ARB2A: variants seen among roughly 807,000 people sequenced by gnomAD.
ARB2A encodes the protein cotranscriptional regulator ARB2A.
At chr5:93,989,028 A>C in the ARB2A span, among the ~76,000 whole-genome samples, 9 of 152,304 alleles carry the variant, frequency 5.9e-5, no homozygotes, top group Admixed American at 5.9e-4. Flanking sequence ...AAAACTGGAA[A>C]TTAAAGGGCT....
chr5:94,025,844 C>A, the ARB2A span, among the ~76,000 whole-genome samples: 1 of 152,134 alleles, frequency 6.6e-6, no homozygotes, highest in Non-Finnish European at 1.5e-5. Context: ...TTGCTTGGGC[C>A]CAGGTACACC....
chr5:93,916,765 G>A, the ARB2A span, among the ~76,000 whole-genome samples: 2 of 152,050 alleles, frequency 1.3e-5, no homozygotes, highest in Non-Finnish European at 2.9e-5. Flanking sequence ...TGGGTGCTTT[G>A]TATGAACTCT....
At chr5:93,984,730 A>G in the ARB2A span, among the ~76,000 whole-genome samples, 1 of 152,214 alleles carries the variant, frequency 6.6e-6, no homozygotes, top group Non-Finnish European at 1.5e-5. Flanking sequence ...CACCTTATAA[A>G]TAAGAATTAT....
the ARB2A span, chr5:93,741,444 G>A: frequency 6.2e-7 from 1 of 1,613,488 alleles, no homozygotes; most frequent in Non-Finnish European, 8.5e-7. Context: ...CCCTGCCAGG[G>A]GCCGCCTGGG....
At chr5:93,691,713 G>C in the ARB2A span, among the ~76,000 whole-genome samples, 1 of 151,546 alleles carries the variant, frequency 6.6e-6, no homozygotes, top group Non-Finnish European at 1.5e-5. Flanking sequence ...GCAACCCCAA[G>C]ACACATAATT....
At chr5:94,048,201 C>T in the ARB2A span, among the ~76,000 whole-genome samples, 3 of 151,886 alleles carry the variant, frequency 2.0e-5, no homozygotes, top group East Asian at 3.9e-4. Flanking sequence ...ATTACAGGGG[C>T]GCAACACCAC....
At chr5:93,880,406 T>C in the ARB2A span, among the ~76,000 whole-genome samples, 2 of 151,706 alleles carry the variant, frequency 1.3e-5, no homozygotes, top group African/African-American at 4.8e-5. Flanking sequence ...AAGCAATATA[T>C]TTCCCCTAAA....
At chr5:93,779,090 A>AGAGTGTGTGTGT in the ARB2A span, among the ~76,000 whole-genome samples, 4 of 143,448 alleles carry the variant, frequency 2.8e-5, no homozygotes, top group African/African-American at 1.1e-4. Flanking sequence ...GTCATTTCAG[A>AGAGTGTGTGTGT]GTGTGTGTGT....
the ARB2A span, among the ~76,000 whole-genome samples, chr5:93,982,168 A>AG: frequency 6.6e-6 from 1 of 152,288 alleles, no homozygotes; most frequent in East Asian, 1.9e-4. Flanking sequence ...AGAGGAAGGC[A>AG]GAAAAAAAAT....
the ARB2A span, among the ~76,000 whole-genome samples, chr5:93,921,173 A>T: frequency 6.6e-6 from 1 of 151,730 alleles, no homozygotes; most frequent in Non-Finnish European, 1.5e-5. Flanking sequence ...AAAAAAAAAA[A>T]AAAAGGAAAT....
chr5:93,744,843 T>C, the ARB2A span, among the ~76,000 whole-genome samples: 1 of 152,118 alleles, frequency 6.6e-6, no homozygotes, highest in Non-Finnish European at 1.5e-5. Context: ...GATTACAATG[T>C]AAGAATCAGG....
chr5:93,904,549 A>C, the ARB2A span, among the ~76,000 whole-genome samples: 2 of 151,822 alleles, frequency 1.3e-5, no homozygotes, highest in African/African-American at 4.8e-5. Flanking sequence ...TTTGTGTATA[A>C]ATGATGATCT....
the ARB2A span, among the ~76,000 whole-genome samples, chr5:93,974,164 G>A: frequency 1.3e-5 from 2 of 152,112 alleles, no homozygotes; most frequent in African/African-American, 4.8e-5. Flanking sequence ...AATCTCACAT[G>A]TAATGACACA....
At chr5:93,965,536 A>G in the ARB2A span, among the ~76,000 whole-genome samples, 1 of 152,174 alleles carries the variant, frequency 6.6e-6, no homozygotes, top group African/African-American at 2.4e-5. Context: ...TTGTTATAGC[A>G]GCAAAAGAAA....
At chr5:93,644,315 A>C in the ARB2A span, among the ~76,000 whole-genome samples, 1 of 152,254 alleles carries the variant, frequency 6.6e-6, no homozygotes, top group Non-Finnish European at 1.5e-5. Context: ...GTTAGCACAG[A>C]AAATGGGAAA....
chr5:94,053,319 T>C, the ARB2A span: 3 of 715,682 alleles, frequency 4.2e-6, no homozygotes, highest in Non-Finnish European at 6.6e-6. Context: ...TATTCTTTGT[T>C]CTATTAATTT....
chr5:93,821,721 C>T, the ARB2A span, among the ~76,000 whole-genome samples: 1 of 151,692 alleles, frequency 6.6e-6, no homozygotes, highest in Non-Finnish European at 1.5e-5. Flanking sequence ...GCCTTTCAAA[C>T]AAAAACACAG....
the ARB2A span, among the ~76,000 whole-genome samples, chr5:94,046,438 G>A: frequency 1.3e-5 from 2 of 152,086 alleles, no homozygotes; most frequent in Non-Finnish European, 2.9e-5. Flanking sequence ...ACAGGGAGGA[G>A]GGGGAACAGT....
At chr5:93,663,392 C>T in the ARB2A span, among the ~76,000 whole-genome samples, 3 of 152,154 alleles carry the variant, frequency 2.0e-5, no homozygotes, top group Non-Finnish European at 4.4e-5. Flanking sequence ...CTAAAAGTTT[C>T]CTCCTGTATT....
Sources: allele counts gnomAD v4.1 joint callset (sites outside exome capture counted in the v4.1 genomes callset), GRCh38; gene constraint gnomAD v4.1.1; transcripts MANE v1.5; gene names NCBI Gene and HGNC (gene_info 2026-07-23, HGNC 2026-07-21).